The following MED24 variants were observed in gnomAD, a reference collection of about 807,000 sequenced individuals.
The protein encoded by MED24 is mediator complex subunit 24, also known as mediator of RNA polymerase II transcription subunit 24.
Under a neutral mutation model 118.8 loss-of-function variants are expected in MED24, and 74 were observed. That is an observed-to-expected ratio of 0.62 (90% CI 0.52 to 0.76). The LOEUF (loss-of-function observed/expected upper bound fraction) is 0.76. Ranked by LOEUF, MED24 falls within the 30% of genes least tolerant of loss-of-function variation. The pLI, the probability that MED24 is intolerant of heterozygous loss-of-function variation, is 0.00. For synonymous variants in MED24, 521 were observed against 523.9 expected (o/e 0.99, Z 0.08); for missense variants, 1,041 against 1,278.9 (o/e 0.81, Z 2.84).
Position 40,032,683 on chromosome 17 carries a change from T to G in MED24, c.902A>C (p.Glu301Ala), listed in dbSNP as rs1017629208. 6.2e-7 allele frequency: 1 copy of G among 1,613,590 alleles called. No homozygotes were observed. The highest frequency in any genetic ancestry group is 8.5e-7 in the Non-Finnish European group (1 of 1,179,878). Residue 301 changes from glutamate to alanine, a missense_variant, in exon 9 of 26, where the codon GAG becomes GCG. Transcript: ENST00000394128. ...VGLIESPEGT[E>A]ELKWTAFTFL... ...AGTGAAAGCTGTCCACTTGAGCTCC[T>G]CCGTACCCTCGGGAGACTCAATGAG...
At chr17:40,040,509 C>T (rs750646059) in intron 3 of MED24, among the ~76,000 whole-genome samples, 2 of 151,954 alleles carry the variant, frequency 1.3e-5, no homozygotes, top group Non-Finnish European at 2.9e-5. Context: ...TGAGCCTGGC[C>T]TAGATTCTTC....
chr17:40,054,255 C>T (rs1356540625), intron 1 of MED24, 106 bp downstream of exon 1: 1 of 154,876 alleles, frequency 6.5e-6, no homozygotes, highest in Non-Finnish European at 1.4e-5. Context: ...TGGCCACCAC[C>T]ATTCCAAGTC....
chr17:40,026,784 G>A (rs1982705373), intron 17 of MED24, 38 bp from the exon 18 acceptor site: 2 of 1,611,208 alleles, frequency 1.2e-6, no homozygotes, highest in Non-Finnish European at 8.5e-7. Context: ...GGGGAGCAAG[G>A]AACGGGCTCA....
chr17:40,024,934 C>A (rs1392683933), intron 19 of MED24, among the ~76,000 whole-genome samples: 1 of 152,040 alleles, frequency 6.6e-6, no homozygotes, highest in Non-Finnish European at 1.5e-5. Context: ...CAAGGTTTCA[C>A]CATGTTGGTC....
intron 3 of MED24, among the ~76,000 whole-genome samples, chr17:40,045,094 A>C (rs1985017197): frequency 6.6e-6 from 1 of 152,198 alleles, no homozygotes; most frequent in African/African-American, 2.4e-5. Context: ...GGTAGGTATA[A>C]GGATATTCAG....
intron 12 of MED24, 90 bp downstream of exon 12, chr17:40,031,069 G>T: frequency 1.5e-6 from 2 of 1,304,964 alleles, no homozygotes; most frequent in South Asian, 1.3e-5. Flanking sequence ...CCAAACTTTC[G>T]ACAGGAGGTT....
intron 20 of MED24, 134 bp downstream of exon 20, chr17:40,022,997 A>C: frequency 1.5e-6 from 2 of 1,374,890 alleles, no homozygotes; most frequent in Non-Finnish European, 2.0e-6. Context: ...CAAGGAGGCA[A>C]CTCTGAGGCG....
intron 1 of MED24, 119 bp from the exon 2 acceptor site, chr17:40,053,754 T>G: frequency 1.3e-5 from 17 of 1,344,734 alleles, no homozygotes; most frequent in Admixed American, 4.3e-5. Context: ...ACAGAGGAAT[T>G]TGAAAGAAAA....
rs764129654 is a variant in MED24, at chr17:40,023,127, G to C, written c.2250+4C>G. 2.5e-6 allele frequency: 4 copies of C among 1,611,008 alleles called. No individual in the cohort carries two copies. The Admixed American group carries it at 6.7e-5, about 27-fold the overall frequency. On this transcript the variant is annotated splice_donor_region_variant and intron_variant, in intron 20 of 25. Transcript: ENST00000394128. ...TCGGCCCACAGCCACTCCAGCCCAA[G>C]TACCTTAATCAGGTTGTTGCAGAAC...
intron 19 of MED24, among the ~76,000 whole-genome samples, chr17:40,025,536 G>A (rs1170732557): frequency 6.6e-6 from 1 of 152,264 alleles, no homozygotes; most frequent in East Asian, 1.9e-4. Context: ...CTGGAGGGAG[G>A]GGAAAATAGG....
At chr17:40,021,934 G>A (rs374198465) in intron 23 of MED24, 21 bp downstream of exon 23, 19 of 1,528,236 alleles carry the variant, frequency 1.2e-5, no homozygotes, top group African/African-American at 2.8e-5. Flanking sequence ...GGAGCGGCGC[G>A]CGGCCAGCCC....
chr17:40,046,688 G>A (rs1307245813), intron 3 of MED24, among the ~76,000 whole-genome samples: 2 of 151,300 alleles, frequency 1.3e-5, no homozygotes, highest in East Asian at 2.0e-4. Flanking sequence ...GGAGCTTGCA[G>A]TGAGCCGAGA....
chr17:40,033,164 C>T lies in MED24; in HGVS notation c.714G>A (p.Lys238=). 6.2e-7 allele frequency: 1 copy of T among 1,614,100 alleles called. No homozygotes were observed. Among genetic ancestry groups the T allele is most frequent in the African/African-American group, 1.3e-5 (1 of 75,064 alleles). Residue 238 remains lysine, a synonymous_variant, in exon 8 of 26, where the codon AAG becomes AAA. Transcript: ENST00000394128. This position sits in a 1 kb window ranked among gnomAD's most constrained non-coding sequence, Gnocchi z 5.2. ...MLSVHAEQMH[K]TGFPTVHAVI... is the part of the protein sequence containing the mutation. The stretch of plus-strand genomic sequence containing the variant: ...CGGCGTGGACAGTGGGGAAGCCGGT[C>T]TTGTGCATCTGCTCCGCATGCACAG...
At chr17:40,047,021 T>C (rs1476490441) in intron 3 of MED24, among the ~76,000 whole-genome samples, 2 of 151,832 alleles carry the variant, frequency 1.3e-5, no homozygotes, top group Non-Finnish European at 2.9e-5. Flanking sequence ...GGTAGGAGGA[T>C]TACTTGAGCC....
chr17:40,020,455 C>T, intron 23 of MED24, 102 bp from the exon 24 acceptor site: 1 of 1,545,510 alleles, frequency 6.5e-7, no homozygotes, highest in Non-Finnish European at 8.7e-7. Flanking sequence ...TCGGAGGTAA[C>T]TGGTACATGG....
rs1454280127 is a variant in MED24 at position 40,029,870 on chromosome 17, C to A, written c.1155-11G>T. On this transcript the variant is annotated splice_polypyrimidine_tract_variant and intron_variant, in intron 12 of 25. Coordinates refer to ENST00000394128, the MANE Select transcript of MED24 (RefSeq NM_014815.4). The stretch of plus-strand genomic sequence containing the variant: ...TCTCGGTCCGCTTTGCTGTGGACAT[C>A]ACCAGTTGGCCAAGGAAGGGAAGAG... 6.2e-7 allele frequency: 1 copy of A among 1,612,240 alleles called. No homozygotes were observed. The highest frequency in any genetic ancestry group is 8.5e-7 in the Non-Finnish European group (1 of 1,178,342).
At chr17:40,048,974 T>C (rs940753450) in intron 3 of MED24, among the ~76,000 whole-genome samples, 1 of 152,128 alleles carries the variant, frequency 6.6e-6, no homozygotes, top group Non-Finnish European at 1.5e-5. Flanking sequence ...CTTGGTTTTA[T>C]ACATTTTAGG....
Position 40,035,704 on chromosome 17 carries a change from C to A in MED24, c.326+18G>T. ...GGCTGGAACATTGTATTGTGAGCCC[C>A]CTTACCCCTGCCCTTACCTCAGACG... is the stretch of plus-strand genomic sequence containing the variant. On this transcript the variant is annotated intron_variant, in intron 5 of 25. Transcript: ENST00000394128. 6.2e-7 allele frequency: 1 copy of A among 1,611,578 alleles called. No homozygotes were observed. Among genetic ancestry groups the A allele is most frequent in the South Asian group, 1.1e-5 (1 of 90,968 alleles).
At chr17:40,035,936 T>C in intron 4 of MED24, 141 bp from the exon 5 acceptor site, 1 of 1,073,210 alleles carries the variant, frequency 9.3e-7, no homozygotes, top group South Asian at 1.5e-5. Flanking sequence ...ACACTGGACA[T>C]TGGCTCCCAA....
Sources: gnomAD v4.1 joint callset for allele counts (sites outside exome capture counted in the v4.1 genomes callset) on GRCh38, gnomAD v4.1.1 for gene constraint, Gnocchi (gnomAD v3.1) non-coding constraint, MANE v1.5 for transcripts, NCBI Gene and HGNC (gene_info 2026-07-23, HGNC 2026-07-21) for gene names.